RIMS2: variants seen among roughly 807,000 people sequenced by gnomAD.
RIMS2 encodes the protein regulating synaptic membrane exocytosis protein 2.
A neutral mutation model predicts 174.4 loss-of-function variants in RIMS2; 59 were observed. That is an observed-to-expected ratio of 0.34 (90% CI 0.27 to 0.42). The LOEUF is 0.42. Ranked by LOEUF, RIMS2 falls within the 10% of genes least tolerant of loss-of-function variation. RIMS2 has a pLI of 1.00. For synonymous variants in RIMS2, 606 were observed against 572.5 expected, an observed-to-expected ratio of 1.06 and a Z score of -0.84; for missense variants, 1,620 against 1,666.3, an observed-to-expected ratio of 0.97 and a Z score of 0.48.
At chr8:103,859,057 A>G (rs904998730) in intron 3 of RIMS2, among the ~76,000 whole-genome samples, 2 of 152,200 alleles carry the variant, frequency 1.3e-5, no homozygotes, top group African/African-American at 2.4e-5. Flanking sequence ...CTAAAATGTT[A>G]TAATTGGATA....
chr8:103,738,112 A>G (rs1423085408), intron 2 of RIMS2, among the ~76,000 whole-genome samples: 2 of 152,154 alleles, frequency 1.3e-5, no homozygotes, highest in African/African-American at 4.8e-5. Flanking sequence ...TTAATATGTA[A>G]ATAATTCAGT....
intron 19 of RIMS2, among the ~76,000 whole-genome samples, chr8:104,084,392 C>T (rs7846436): frequency 0.24 from 34,175 of 144,880 alleles, 4,260 homozygotes; most frequent in African/African-American, 0.34. Context: ...GAGTCGAGAT[C>T]GCGCCACTGC....
intron 1 of RIMS2, among the ~76,000 whole-genome samples, chr8:103,562,486 T>C (rs971761912): frequency 6.6e-5 from 10 of 152,222 alleles, no homozygotes; most frequent in African/African-American, 2.4e-4. Context: ...ATCTAGGTCA[T>C]GCTGATGCAA....
At chr8:104,033,961 A>G (rs1272462465) in intron 19 of RIMS2, among the ~76,000 whole-genome samples, 2 of 152,162 alleles carry the variant, frequency 1.3e-5, no homozygotes, top group African/African-American at 4.8e-5. Flanking sequence ...CATTTATGAT[A>G]TTAATAATCT....
chr8:104,039,049 A>C (rs1047996014), intron 19 of RIMS2, among the ~76,000 whole-genome samples: 2 of 151,752 alleles, frequency 1.3e-5, no homozygotes, highest in Admixed American at 6.6e-5. Flanking sequence ...CCTGAAAAAA[A>C]AATTTTTATT....
intron 21 of RIMS2, 100 bp downstream of exon 27, chr8:104,248,913 T>TCTCTCTCTC (rs1563995464): frequency 1.3e-5 from 7 of 538,226 alleles, no homozygotes; most frequent in South Asian, 4.2e-5. Context: ...CTCTCTCTCT[T>TCTCTCTCTC]TCCCTCTCTC....
At chr8:104,110,257 C>T (rs904702830) in intron 19 of RIMS2, among the ~76,000 whole-genome samples, 1 of 152,086 alleles carries the variant, frequency 6.6e-6, no homozygotes, top group African/African-American at 2.4e-5. Flanking sequence ...CCGTATGTAA[C>T]CAAAGTTCAG....
intron 2 of RIMS2, among the ~76,000 whole-genome samples, chr8:103,747,184 T>C (rs1284186772): frequency 2.0e-5 from 3 of 151,578 alleles, no homozygotes; most frequent in South Asian, 4.2e-4. Context: ...GCTGGTGCGC[T>C]GCACCCACTA....
intron 3 of RIMS2, among the ~76,000 whole-genome samples, chr8:103,796,116 T>C (rs1012977734): frequency 6.6e-6 from 1 of 152,150 alleles, no homozygotes; most frequent in East Asian, 1.9e-4. Flanking sequence ...CCCCACAATA[T>C]GTTTTTCTTC....
intron 19 of RIMS2, chr8:104,223,599 C>A: frequency 3.3e-6 from 5 of 1,515,706 alleles, no homozygotes; most frequent in Non-Finnish European, 3.5e-6. Context: ...TGCGCCCCAG[C>A]CGCCAAGACG....
chr8:104,077,978 AC>A (rs1423113297), intron 19 of RIMS2, among the ~76,000 whole-genome samples: 2 of 151,716 alleles, frequency 1.3e-5, no homozygotes, highest in Non-Finnish European at 2.9e-5. Flanking sequence ...CCCCATCTCT[AC>A]TAAAAATACC....
At chr8:103,555,397 C>T (rs1849943774) in intron 1 of RIMS2, among the ~76,000 whole-genome samples, 1 of 151,930 alleles carries the variant, frequency 6.6e-6, no homozygotes, top group Non-Finnish European at 1.5e-5. Context: ...GAGAAGGTAA[C>T]CCTTACACAT....
chr8:103,940,281 A>G (rs978669261), intron 13 of RIMS2, among the ~76,000 whole-genome samples: 2 of 152,190 alleles, frequency 1.3e-5, no homozygotes, highest in Non-Finnish European at 2.9e-5. Context: ...TCTTACATGG[A>G]TGGCAGCAGG....
chr8:103,985,766 C>T (rs1596412486), intron 16 of RIMS2, among the ~76,000 whole-genome samples: 1 of 152,186 alleles, frequency 6.6e-6, no homozygotes, highest in South Asian at 2.1e-4. Context: ...TAAATATACA[C>T]AATGAAATAC....
At chr8:103,885,195 C>CAAAA (rs1354334455) in intron 3 of RIMS2, 103 bp from the exon 7 acceptor site, 7 of 1,423,784 alleles carry the variant, frequency 4.9e-6, no homozygotes, top group African/African-American at 1.4e-5. Context: ...TTTAAAAAGG[C>CAAAA]AAAAGGACTA....
chr8:103,679,439 G>A (rs993542860), intron 1 of RIMS2, among the ~76,000 whole-genome samples: 2 of 151,910 alleles, frequency 1.3e-5, no homozygotes, highest in African/African-American at 2.4e-5. Flanking sequence ...GGAAATCCTA[G>A]TAAACAAACT....
chr8:104,157,915 T>C (rs753224192), intron 19 of RIMS2, among the ~76,000 whole-genome samples: 5 of 151,894 alleles, frequency 3.3e-5, no homozygotes, highest in Non-Finnish European at 7.4e-5. Context: ...CTAATTATTG[T>C]TATTATTATT....
At chr8:103,737,066 T>A (rs2097693504) in intron 2 of RIMS2, among the ~76,000 whole-genome samples, 1 of 152,120 alleles carries the variant, frequency 6.6e-6, no homozygotes, top group Non-Finnish European at 1.5e-5. Context: ...ATATGTAATA[T>A]GCATCTCAAA....
intron 3 of RIMS2, among the ~76,000 whole-genome samples, chr8:103,830,852 A>G (rs1351095484): frequency 1.3e-5 from 2 of 152,192 alleles, no homozygotes; most frequent in African/African-American, 4.8e-5. Context: ...TCTGTTGCTC[A>G]GGCTGCAGTG....
Sources: gnomAD v4.1 joint callset for allele counts (sites outside exome capture counted in the v4.1 genomes callset) on GRCh38, gnomAD v4.1.1 for gene constraint, MANE v1.5 for transcripts, NCBI Gene and HGNC (gene_info 2026-07-23, HGNC 2026-07-21) for gene names.